Variants in BBS2 observed in about 807,000 individuals in gnomAD.
BBS2 encodes the protein BBSome complex member BBS2.
In BBS2, 62 loss-of-function variants were observed where a neutral mutation model predicts 83.0. The observed-to-expected ratio is 0.75, with a 90% confidence interval of 0.61 to 0.92. The LOEUF is 0.92. Ranked by LOEUF, BBS2 falls within the 40% of genes least tolerant of loss-of-function variation. BBS2 has a pLI of 0.00. For missense variants in BBS2, 784 were observed against 901.0 expected, an observed-to-expected ratio of 0.87 and a Z score of 1.66; for synonymous variants, 303 against 326.1, an observed-to-expected ratio of 0.93 and a Z score of 0.76.
In BBS2 at chr16:56,511,295, TA is replaced by T. The variant is rs777667452; in HGVS notation, c.346-12del. On this transcript the variant is annotated splice_polypyrimidine_tract_variant and intron_variant, in intron 2 of 16. Coordinates refer to ENST00000245157, the MANE Select transcript of BBS2 (RefSeq NM_031885.5). ...TGCCCCATCTGCTACCTAAGAAAAG[TA>T]AAAGGACACATTATCTTAGACACGA... 6 of 1,613,718 alleles carry T rather than the reference TA, an allele frequency of 3.7e-6. No individual in the cohort carries two copies. The highest frequency in any genetic ancestry group is 5.1e-6 in the Non-Finnish European group (6 of 1,179,938).
intron 5 of BBS2, 85 bp downstream of exon 5, chr16:56,509,872 C>G (rs1964528842): frequency 7.0e-7 from 1 of 1,418,762 alleles, no homozygotes; most frequent in African/African-American, 1.4e-5. Context: ...TTTGGAGATG[C>G]CCCAGCACTC....
chr16:56,480,352 CAAA>C (rs1286219655), downstream of BBS2, among the ~76,000 whole-genome samples: 1 of 76,590 alleles, frequency 1.3e-5, no homozygotes, highest in African/African-American at 7.2e-5. Flanking sequence ...CACACACACA[CAAA>C]AAAAAAAAAA....
intron 1 of BBS2, among the ~76,000 whole-genome samples, chr16:56,515,365 AGG>A: frequency 6.6e-6 from 1 of 152,218 alleles, no homozygotes; most frequent in African/African-American, 2.4e-5. Context: ...CAGTCTTAAG[AGG>A]GGCGAGATCA....
At chr16:56,515,484 G>A (rs1964708928) in intron 1 of BBS2, among the ~76,000 whole-genome samples, 2 of 152,132 alleles carry the variant, frequency 1.3e-5, no homozygotes, top group Admixed American at 6.6e-5. Context: ...GAATTTCACT[G>A]GGAAAATTTT....
chr16:56,484,348 T>C (rs1266769475), downstream of BBS2: 1 of 185,940 alleles, frequency 5.4e-6, no homozygotes, highest in East Asian at 1.4e-4. Context: ...TGGGCAATTC[T>C]GATTTGGTGG....
chr16:56,511,388 A>C (rs1438728276), intron 2 of BBS2, 104 bp from the exon 3 acceptor site: 1 of 1,497,352 alleles, frequency 6.7e-7, no homozygotes, highest in African/African-American at 1.4e-5. Context: ...TGAGTAAAAC[A>C]GATTATTATC....
chr16:56,470,545 T>C, exon 18 of BBS2: 2 of 1,614,170 alleles, frequency 1.2e-6, no homozygotes, highest in South Asian at 2.2e-5. Context: ...GTGCATGAAG[T>C]TATTTCGCTC....
intron 1 of BBS2, among the ~76,000 whole-genome samples, chr16:56,519,357 G>A (rs971777893): frequency 1.1e-4 from 16 of 149,158 alleles, no homozygotes; most frequent in Non-Finnish European, 1.8e-4. Flanking sequence ...AAAGGAAGAA[G>A]AAGCAGTGTT....
chr16:56,518,394 C>G (rs1284102087), intron 1 of BBS2, among the ~76,000 whole-genome samples: 1 of 152,202 alleles, frequency 6.6e-6, no homozygotes, highest in Non-Finnish European at 1.5e-5. Flanking sequence ...TATTGAACCT[C>G]TCTGAACTGC....
intron 17 of BBS2, chr16:56,470,839 A>G: frequency 6.8e-7 from 1 of 1,474,242 alleles, no homozygotes; most frequent in Non-Finnish European, 9.1e-7. Flanking sequence ...ACCATTCACC[A>G]TTCAAACATG....
At chr16:56,510,778 C>T (rs1278494617) in intron 4 of BBS2, 81 bp downstream of exon 4, 2 of 1,475,966 alleles carry the variant, frequency 1.4e-6, no homozygotes, top group East Asian at 2.3e-5. Flanking sequence ...GAAGCTTACA[C>T]TTCTGTCAAC....
chr16:56,495,125 T>C (rs1366610831), intron 15 of BBS2, among the ~76,000 whole-genome samples: 1 of 152,194 alleles, frequency 6.6e-6, no homozygotes, highest in Non-Finnish European at 1.5e-5. Context: ...ATAAAGAAAC[T>C]GTCTTTCCTG....
chr16:56,501,990 A>G, intron 9 of BBS2: 1 of 412,240 alleles, frequency 2.4e-6, no homozygotes, highest in Non-Finnish European at 4.6e-6. Context: ...ATATCAGTCC[A>G]AGTATTCATT....
chr16:56,509,826 C>A (rs1042768271), intron 5 of BBS2, 131 bp downstream of exon 5: 3 of 827,350 alleles, frequency 3.6e-6, no homozygotes, highest in Non-Finnish European at 6.3e-6. Context: ...CTCTGTCTGA[C>A]CCCCTCCCCA....
chr16:56,518,750 T>C (rs531146860), intron 1 of BBS2, among the ~76,000 whole-genome samples: 1 of 152,376 alleles, frequency 6.6e-6, no homozygotes, highest in East Asian at 1.9e-4. Context: ...CTGATTTGCC[T>C]TGTCTGTTAG....
At chr16:56,493,706 A>G (rs1174535802) in intron 15 of BBS2, among the ~76,000 whole-genome samples, 1 of 152,252 alleles carries the variant, frequency 6.6e-6, no homozygotes, top group Non-Finnish European at 1.5e-5. Flanking sequence ...AAAATAAGAC[A>G]ATGAACCTAA....
In BBS2 at chr16:56,501,408, GCTGA is replaced by G. The variant is rs1964269329; in HGVS notation, c.1166_1169del (p.Val389AlafsTer27). 6.2e-7 allele frequency: 1 copy of G among 1,614,102 alleles called. No homozygotes were observed. The highest frequency in any genetic ancestry group is 8.5e-7 in the Non-Finnish European group (1 of 1,180,030). On this transcript the variant is annotated frameshift_variant, in exon 10 of 17. Coordinates refer to ENST00000245157, the MANE Select transcript of BBS2 (RefSeq NM_031885.5). LOFTEE classifies it high-confidence loss of function. ...GAGCAGTTTGGGTCTCATTCCCCAG[GCTGA>G]CTGAGAGCGTGGTGTGGAGCCTGGT...
intron 9 of BBS2, chr16:56,502,018 T>A (rs1330340691): frequency 7.4e-5 from 33 of 446,578 alleles, no homozygotes; most frequent in Non-Finnish European, 3.7e-5. Flanking sequence ...CTGCTTAATA[T>A]TCCTTAGCAC....
intron 15 of BBS2, 62 bp from the exon 16 acceptor site, chr16:56,485,800 T>C (rs1963761298): frequency 3.9e-6 from 6 of 1,554,596 alleles, no homozygotes; most frequent in Non-Finnish European, 5.3e-6. Context: ...TAAGAAAAAC[T>C]TGCAAATTTC....
Sources: gnomAD v4.1 joint callset for allele counts (sites outside exome capture counted in the v4.1 genomes callset) on GRCh38, gnomAD v4.1.1 for gene constraint, MANE v1.5 for transcripts, NCBI Gene and HGNC (gene_info 2026-07-23, HGNC 2026-07-21) for gene names.